TENM3: variants seen among roughly 807,000 people sequenced by gnomAD.
TENM3 encodes the protein teneurin-3.
In TENM3, 63 loss-of-function variants were observed where a neutral mutation model predicts 255.1. The observed-to-expected ratio is 0.25, with a 90% CI of 0.20 to 0.30. TENM3 has a LOEUF of 0.30. Ranked by LOEUF, TENM3 falls within the 10% of genes least tolerant of loss-of-function variation. The probability of loss-of-function intolerance (pLI) is 1.00; values close to 1 mark genes in which losing one functional copy is unlikely to be tolerated. For synonymous variants in TENM3, 1,306 were observed against 1,322.3 expected (o/e 0.99, Z 0.27); for missense variants, 2,929 against 3,461.1 (o/e 0.85, Z 3.86).
At chr4:182,466,808 A>C (rs1732641087) in intron 3 of TENM3, among the ~76,000 whole-genome samples, 1 of 128,004 alleles carries the variant, frequency 7.8e-6, no homozygotes, top group African/African-American at 3.1e-5. Context: ...CTACAGAGGA[A>C]AAGGATACAA....
chr4:181,563,128 C>T, the TENM3 span, among the ~76,000 whole-genome samples: 1 of 152,334 alleles, frequency 6.6e-6, no homozygotes, highest in South Asian at 2.1e-4. Context: ...GGGAGGGTGG[C>T]TTAAACAGCA....
chr4:181,888,591 C>CGTGTGTGTGTGTGTGTGTGT, the TENM3 span, among the ~76,000 whole-genome samples: 64 of 90,162 alleles, frequency 7.1e-4, 1 homozygote, highest in African/African-American at 2.2e-3. Flanking sequence ...TATATATATG[C>CGTGTGTGTGTGTGTGTGTGT]GTGTGTGTGT....
At chr4:182,437,819 G>T (rs1772159886) in intron 3 of TENM3, among the ~76,000 whole-genome samples, 2 of 151,584 alleles carry the variant, frequency 1.3e-5, no homozygotes, top group South Asian at 4.2e-4. Context: ...AAATATCTGG[G>T]CGGGCACCTG....
At chr4:182,725,178 C>T (rs1760066819) in intron 13 of TENM3, among the ~76,000 whole-genome samples, 1 of 151,978 alleles carries the variant, frequency 6.6e-6, no homozygotes, top group African/African-American at 2.4e-5. Flanking sequence ...GCTGGGACTT[C>T]AGGTGCACAC....
the TENM3 span, among the ~76,000 whole-genome samples, chr4:181,626,435 T>C: frequency 6.6e-6 from 1 of 152,168 alleles, no homozygotes; most frequent in Non-Finnish European, 1.5e-5. Context: ...GAGGTTGCAT[T>C]GGCTCATGGT....
intron 1 of TENM3, among the ~76,000 whole-genome samples, chr4:182,173,749 A>G (rs1209853058): frequency 1.3e-5 from 2 of 152,162 alleles, no homozygotes; most frequent in African/African-American, 4.8e-5. Flanking sequence ...AAATAGAGAA[A>G]AATCACATAT....
At chr4:181,574,293 A>C in the TENM3 span, among the ~76,000 whole-genome samples, 3 of 152,102 alleles carry the variant, frequency 2.0e-5, no homozygotes, top group African/African-American at 7.2e-5. Context: ...GCACTTTGGG[A>C]GGCCGAGGCG....
At chr4:181,858,209 C>T in the TENM3 span, among the ~76,000 whole-genome samples, 1 of 152,200 alleles carries the variant, frequency 6.6e-6, no homozygotes, top group South Asian at 2.1e-4. Context: ...ACCTCAGCCT[C>T]CTGAATTTTG....
At chr4:181,584,528 A>G in the TENM3 span, among the ~76,000 whole-genome samples, 1 of 152,184 alleles carries the variant, frequency 6.6e-6, no homozygotes, top group Non-Finnish European at 1.5e-5. Flanking sequence ...TAAACTAAAC[A>G]CCTTCATTGG....
intron 6 of TENM3, among the ~76,000 whole-genome samples, chr4:182,669,265 G>GT (rs1554011612): frequency 8.0e-6 from 1 of 124,496 alleles, no homozygotes; most frequent in Middle Eastern, 4.3e-3. Flanking sequence ...TCCATGTCAC[G>GT]TTTTTTTTGT....
the TENM3 span, among the ~76,000 whole-genome samples, chr4:182,060,093 G>A: frequency 6.6e-6 from 1 of 152,064 alleles, no homozygotes; most frequent in South Asian, 2.1e-4. Context: ...ACAAAAATCA[G>A]CAGGGTGGTG....
At chr4:182,100,448 A>AAAATAT in the TENM3 span, among the ~76,000 whole-genome samples, 1 of 114,698 alleles carries the variant, frequency 8.7e-6, no homozygotes, top group African/African-American at 3.3e-5. Context: ...TAAAAAAAAA[A>AAAATAT]ATATATATAT....
intron 3 of TENM3, among the ~76,000 whole-genome samples, chr4:182,429,467 CT>C (rs1195689447): frequency 6.6e-6 from 1 of 152,108 alleles, no homozygotes; most frequent in African/African-American, 2.4e-5. Context: ...AATAGAAATA[CT>C]TAAGTACTTA....
At chr4:181,606,873 G>A in the TENM3 span, among the ~76,000 whole-genome samples, 24 of 152,048 alleles carry the variant, frequency 1.6e-4, no homozygotes, top group Non-Finnish European at 3.1e-4. Flanking sequence ...TGCAAGACTC[G>A]GTTCACCAGC....
intron 3 of TENM3, among the ~76,000 whole-genome samples, chr4:182,382,041 C>T (rs975052413): frequency 6.6e-5 from 10 of 152,034 alleles, no homozygotes; most frequent in Non-Finnish European, 1.3e-4. Flanking sequence ...AAACCTAGGA[C>T]GATGCTCTGA....
chr4:182,096,625 A>G, the TENM3 span, among the ~76,000 whole-genome samples: 18 of 152,334 alleles, frequency 1.2e-4, no homozygotes, highest in East Asian at 3.1e-3. Flanking sequence ...CATCCTGCCA[A>G]AAATCATTAC....
At chr4:181,711,366 C>T in the TENM3 span, among the ~76,000 whole-genome samples, 1 of 152,152 alleles carries the variant, frequency 6.6e-6, no homozygotes, top group Admixed American at 6.5e-5. Context: ...GAAAGCCTGA[C>T]TCTGAAAAGA....
chr4:182,483,140 C>T (rs1034593713), intron 3 of TENM3, among the ~76,000 whole-genome samples: 2 of 152,070 alleles, frequency 1.3e-5, no homozygotes, highest in African/African-American at 2.4e-5. Flanking sequence ...GTTTCATATG[C>T]GTTGCCAAAA....
chr4:182,734,946 A>T (rs562646500), intron 16 of TENM3, among the ~76,000 whole-genome samples: 1 of 152,180 alleles, frequency 6.6e-6, no homozygotes, highest in Non-Finnish European at 1.5e-5. Context: ...AATTATTTTG[A>T]AAATAAGAGG....
Sources: allele counts gnomAD v4.1 joint callset (sites outside exome capture counted in the v4.1 genomes callset), GRCh38; gene constraint gnomAD v4.1.1; transcripts MANE v1.5; gene names NCBI Gene and HGNC (gene_info 2026-07-23, HGNC 2026-07-21).